RASAL2: variants seen among roughly 807,000 people sequenced by gnomAD.
RASAL2 encodes the protein ras GTPase-activating protein nGAP.
In RASAL2, 58 loss-of-function variants were observed where a neutral mutation model predicts 128.9. That is an observed-to-expected ratio of 0.45 (90% CI 0.36 to 0.56). The LOEUF (loss-of-function observed/expected upper bound fraction) is 0.56, where lower values mean the gene tolerates loss of function less well. RASAL2 is among the 20% of genes least tolerant of loss of function. The pLI, the probability that RASAL2 is intolerant of heterozygous loss-of-function variation, is 0.00. For missense variants in RASAL2, 1,360 were observed against 1,601.6 expected, an observed-to-expected ratio of 0.85 and a Z score of 2.57; for synonymous variants, 561 against 580.8, an observed-to-expected ratio of 0.97 and a Z score of 0.49.
At chr1:178,222,616 T>G (rs1210680197) in intron 1 of RASAL2, among the ~76,000 whole-genome samples, 1 of 152,136 alleles carries the variant, frequency 6.6e-6, no homozygotes, top group Non-Finnish European at 1.5e-5. Context: ...TTATCAGATG[T>G]CCAATGTTGA....
intron 1 of RASAL2, among the ~76,000 whole-genome samples, chr1:178,134,788 A>G (rs781019335): frequency 6.6e-6 from 1 of 152,242 alleles, no homozygotes; most frequent in Non-Finnish European, 1.5e-5. Flanking sequence ...TTTTACCAGT[A>G]CATCCTGAAG....
intron 1 of RASAL2, among the ~76,000 whole-genome samples, chr1:178,263,762 C>G (rs1665807343): frequency 6.6e-6 from 1 of 152,122 alleles, no homozygotes; most frequent in South Asian, 2.1e-4. Context: ...ACTATTTTGC[C>G]TAGGCTGGAT....
intron 1 of RASAL2, among the ~76,000 whole-genome samples, chr1:178,250,034 G>A (rs1051883537): frequency 4.6e-5 from 7 of 152,142 alleles, no homozygotes; most frequent in Non-Finnish European, 1.0e-4. Context: ...GAGGCTTGGC[G>A]GTCAGGGACC....
chr1:178,409,625 T>C (rs747709991), intron 4 of RASAL2, among the ~76,000 whole-genome samples: 3 of 152,200 alleles, frequency 2.0e-5, no homozygotes, highest in Non-Finnish European at 4.4e-5. Flanking sequence ...GATGATACTA[T>C]ATCTTATAGG....
chr1:178,319,658 C>T (rs1274574297), intron 3 of RASAL2, among the ~76,000 whole-genome samples: 1 of 149,100 alleles, frequency 6.7e-6, no homozygotes, highest in African/African-American at 2.6e-5. Flanking sequence ...CTCCTTTAAT[C>T]ACTTCTCTGT....
chr1:178,464,784 C>G (rs1166821774), intron 15 of RASAL2, among the ~76,000 whole-genome samples: 1 of 131,588 alleles, frequency 7.6e-6, no homozygotes, highest in African/African-American at 3.2e-5. Flanking sequence ...TACCCTAGGG[C>G]AAGACTTTTT....
chr1:178,241,749 A>G (rs1324333369), intron 1 of RASAL2, among the ~76,000 whole-genome samples: 1 of 152,184 alleles, frequency 6.6e-6, no homozygotes, highest in African/African-American at 2.4e-5. Flanking sequence ...GGACAAACTT[A>G]CTCTTCATTT....
At chr1:178,153,022 A>G (rs1660965388) in intron 1 of RASAL2, among the ~76,000 whole-genome samples, 1 of 152,188 alleles carries the variant, frequency 6.6e-6, no homozygotes, top group Non-Finnish European at 1.5e-5. Flanking sequence ...AATGTATTTG[A>G]ATGTGATCCA....
intron 1 of RASAL2, among the ~76,000 whole-genome samples, chr1:178,273,725 G>T (rs1333998219): frequency 6.6e-6 from 1 of 152,162 alleles, no homozygotes; most frequent in Non-Finnish European, 1.5e-5. Context: ...TTCAGGAATG[G>T]ATTAGATTTC....
chr1:178,173,958 C>A (rs1435877309), intron 1 of RASAL2, among the ~76,000 whole-genome samples: 1 of 151,434 alleles, frequency 6.6e-6, no homozygotes, highest in Non-Finnish European at 1.5e-5. Context: ...CTTAATTCCC[C>A]CCTCCCCACT....
chr1:178,469,968 T>G (rs1276396283), intron 17 of RASAL2, among the ~76,000 whole-genome samples: 1 of 152,248 alleles, frequency 6.6e-6, no homozygotes, highest in African/African-American at 2.4e-5. Context: ...ACACTATAGT[T>G]AAATTTTAAA....
At chr1:178,462,157 C>G (rs1327241070) in intron 14 of RASAL2, among the ~76,000 whole-genome samples, 1 of 152,154 alleles carries the variant, frequency 6.6e-6, no homozygotes, top group African/African-American at 2.4e-5. Flanking sequence ...TAACCTCCTC[C>G]CTCAATTTTT....
intron 1 of RASAL2, among the ~76,000 whole-genome samples, chr1:178,109,038 A>G (rs1024886653): frequency 2.0e-5 from 3 of 152,214 alleles, no homozygotes; most frequent in Non-Finnish European, 2.9e-5. Context: ...TGATCAAGCC[A>G]GTGAGACTAC....
At chr1:178,272,643 A>G (rs924619203) in intron 1 of RASAL2, among the ~76,000 whole-genome samples, 5 of 152,192 alleles carry the variant, frequency 3.3e-5, no homozygotes, top group Non-Finnish European at 7.3e-5. Context: ...AAATCCAACT[A>G]TTTGGCCAGG....
chr1:178,106,857 A>G (rs992921644), intron 1 of RASAL2, among the ~76,000 whole-genome samples: 2 of 152,178 alleles, frequency 1.3e-5, no homozygotes, highest in African/African-American at 2.4e-5. Flanking sequence ...GTTTTGGTCT[A>G]TACTGAGATT....
chr1:178,377,157 T>A (rs978303406), intron 3 of RASAL2, among the ~76,000 whole-genome samples: 4 of 152,120 alleles, frequency 2.6e-5, no homozygotes, highest in African/African-American at 9.7e-5. Flanking sequence ...ATCCTAAACA[T>A]TTTAAGTTTC....
At chr1:178,450,928 AAGGTAGGAATTTG>A (rs1183368532) in intron 9 of RASAL2, among the ~76,000 whole-genome samples, 1 of 152,174 alleles carries the variant, frequency 6.6e-6, no homozygotes, top group Non-Finnish European at 1.5e-5. Context: ...ATAAACAGGT[AAGGTAGGAATTTG>A]TTCTTTCAGG....
intron 3 of RASAL2, among the ~76,000 whole-genome samples, chr1:178,355,883 C>T (rs569314058): frequency 6.6e-6 from 1 of 152,118 alleles, no homozygotes; most frequent in African/African-American, 2.4e-5. Flanking sequence ...AAAACCACAA[C>T]AATGGGGCCA....
At chr1:178,112,689 G>C (rs1229959174) in intron 1 of RASAL2, among the ~76,000 whole-genome samples, 2 of 146,978 alleles carry the variant, frequency 1.4e-5, no homozygotes, top group African/African-American at 5.0e-5. Flanking sequence ...ACTCATAGGT[G>C]GGAATTGAAC....
Sources: gnomAD v4.1 joint callset for allele counts (sites outside exome capture counted in the v4.1 genomes callset) on GRCh38, gnomAD v4.1.1 for gene constraint, MANE v1.5 for transcripts, NCBI Gene and HGNC (gene_info 2026-07-23, HGNC 2026-07-21) for gene names.